Variants in NPSR1 observed in about 807,000 individuals in gnomAD.
NPSR1 encodes neuropeptide S receptor.
Under a neutral mutation model 46.9 loss-of-function variants are expected in NPSR1, and 48 were observed. That is an observed-to-expected ratio of 1.02 (90% CI 0.81 to 1.30). The LOEUF is 1.30. NPSR1 is among the 50% of genes most tolerant of loss of function. NPSR1 has a pLI of 0.00. For missense variants in NPSR1, 450 were observed against 449.5 expected, an observed-to-expected ratio of 1.00 and a Z score of -0.01; for synonymous variants, 176 against 168.1, an observed-to-expected ratio of 1.05 and a Z score of -0.36.
intron 3 of NPSR1, among the ~76,000 whole-genome samples, chr7:34,806,159 C>A (rs772853050): frequency 1.3e-5 from 2 of 151,998 alleles, no homozygotes; most frequent in Non-Finnish European, 2.9e-5. Flanking sequence ...TACCATACAA[C>A]CCAGCAATTG....
At chr7:34,807,966 G>A (rs1023203951) in intron 3 of NPSR1, among the ~76,000 whole-genome samples, 49 of 151,994 alleles carry the variant, frequency 3.2e-4, no homozygotes, top group African/African-American at 1.1e-3. Context: ...ATAAGAAAAG[G>A]GAACTTCACA....
downstream of NPSR1, among the ~76,000 whole-genome samples, chr7:34,850,776 A>G (rs1385722227): frequency 6.6e-6 from 1 of 152,104 alleles, no homozygotes; most frequent in Non-Finnish European, 1.5e-5. Context: ...CTCACACCTC[A>G]AGGACAAGTC....
intron 8 of NPSR1, among the ~76,000 whole-genome samples, chr7:34,868,902 C>T (rs1791386204): frequency 6.6e-6 from 1 of 151,568 alleles, no homozygotes; most frequent in African/African-American, 2.4e-5. Context: ...TCAGGGTGGC[C>T]CGGGGCAACA....
intron 4 of NPSR1, among the ~76,000 whole-genome samples, chr7:34,814,537 A>C (rs1045030740): frequency 3.3e-5 from 5 of 152,226 alleles, no homozygotes; most frequent in Non-Finnish European, 5.9e-5. Context: ...TGAAGAGCAC[A>C]GTGGTTCTTC....
At chr7:34,873,427 T>C (rs1423141646) in intron 8 of NPSR1, among the ~76,000 whole-genome samples, 1 of 151,688 alleles carries the variant, frequency 6.6e-6, no homozygotes, top group Non-Finnish European at 1.5e-5. Flanking sequence ...GGCTAATTTA[T>C]AGAGAAAAAA....
intron 2 of NPSR1, among the ~76,000 whole-genome samples, chr7:34,690,834 T>A (rs1793213078): frequency 6.6e-6 from 1 of 152,056 alleles, no homozygotes; most frequent in Non-Finnish European, 1.5e-5. Context: ...GCTTCTTTGG[T>A]TTTGGGAGAG....
chr7:34,827,337 A>T (rs780834548), intron 4 of NPSR1, 64 bp from the exon 5 acceptor site: 1 of 1,396,156 alleles, frequency 7.2e-7, no homozygotes, highest in Non-Finnish European at 1.0e-6. Context: ...TCTATAGCAG[A>T]CTCCATTGTG....
chr7:34,667,449 T>A (rs1298689354), intron 1 of NPSR1, among the ~76,000 whole-genome samples: 3 of 152,146 alleles, frequency 2.0e-5, no homozygotes, highest in Non-Finnish European at 4.4e-5. Context: ...CTCTTCCCCA[T>A]CAAAGGCCAG....
At chr7:34,668,107 A>C (rs1000514032) in intron 1 of NPSR1, among the ~76,000 whole-genome samples, 1 of 152,148 alleles carries the variant, frequency 6.6e-6, no homozygotes, top group Non-Finnish European at 1.5e-5. Flanking sequence ...GGCTACAGCC[A>C]CGATTCACCC....
chr7:34,740,508 C>T (rs1007344411), intron 2 of NPSR1, among the ~76,000 whole-genome samples: 3 of 152,064 alleles, frequency 2.0e-5, no homozygotes, highest in Non-Finnish European at 2.9e-5. Context: ...TGGCAGCACT[C>T]CCCAAGGACC....
rs1386692765 is a variant in NPSR1, at chr7:34,866,743, C to T, written c.1026-11333C>T. 5.3e-5 allele frequency among the ~76,000 whole-genome samples: 8 copies of T among 151,506 alleles called. 1 individual carries two copies. The highest frequency in any genetic ancestry group is 2.0e-4 in the African/African-American group (8 of 40,880). On this transcript the variant is annotated intron_variant, in intron 8 of 8. Coordinates refer to the NPSR1 transcript ENST00000359791. ...TAGATAGTTTTGCAAGATTTGCACT[C>T]TAGGGAAAAGGAGAGTAAGCTAGGT...
chr7:34,676,138 T>A (rs78803502), intron 1 of NPSR1, among the ~76,000 whole-genome samples: 1 of 152,122 alleles, frequency 6.6e-6, no homozygotes. Context: ...AGTGAGTTAG[T>A]TATCACCCCT....
In NPSR1 at chr7:34,778,496, TATTAA is replaced by T. The variant is rs746988416; in HGVS notation, c.316_320del (p.Ile106LeufsTer11). On this transcript the variant is annotated frameshift_variant, in exon 3 of 9. Coordinates refer to ENST00000360581, the MANE Select transcript of NPSR1 (RefSeq NM_207172.2). LOFTEE classifies it high-confidence loss of function. ...CAGGACTGGTCAACATCTTGACAGA[TATTAA>T]TTGGCGATTCACTGGAGACTTCACG... 6.2e-7 allele frequency: 1 copy of T among 1,612,234 alleles called. No individual in the cohort carries two copies. Among genetic ancestry groups the T allele is most frequent in the Admixed American group, 1.7e-5 (1 of 59,876 alleles).
chr7:34,741,547 G>A (rs1784941043), intron 2 of NPSR1, among the ~76,000 whole-genome samples: 1 of 152,074 alleles, frequency 6.6e-6, no homozygotes, highest in African/African-American at 2.4e-5. Context: ...TAGCAAATGT[G>A]GTTCAGGAAG....
intron 2 of NPSR1, chr7:34,751,862 T>A (rs1349879218): frequency 5.7e-6 from 9 of 1,577,954 alleles, no homozygotes; most frequent in Non-Finnish European, 7.0e-6. Context: ...TTGAATGGGA[T>A]CCAGAGTGGG....
At chr7:34,786,052 A>T (rs893905316) in intron 3 of NPSR1, among the ~76,000 whole-genome samples, 3 of 152,162 alleles carry the variant, frequency 2.0e-5, no homozygotes, top group African/African-American at 4.8e-5. Flanking sequence ...AGTTTGTTGC[A>T]TCAATTGACT....
At chr7:34,847,520 A>T (rs1790779147) in intron 7 of NPSR1, among the ~76,000 whole-genome samples, 1 of 152,170 alleles carries the variant, frequency 6.6e-6, no homozygotes, top group Non-Finnish European at 1.5e-5. Context: ...TGTAGGTTCT[A>T]GTCCAAGTCT....
chr7:34,668,636 TC>T (rs1186739414), intron 1 of NPSR1, among the ~76,000 whole-genome samples: 1 of 152,234 alleles, frequency 6.6e-6, no homozygotes, highest in Non-Finnish European at 1.5e-5. Flanking sequence ...CCTACTCATG[TC>T]CCATGTCCAT....
chr7:34,768,028 A>T (rs1392199482), intron 2 of NPSR1, among the ~76,000 whole-genome samples: 1 of 152,164 alleles, frequency 6.6e-6, no homozygotes, highest in Non-Finnish European at 1.5e-5. Context: ...TCACAAAAAA[A>T]TGATAAATGC....
Sources: gnomAD v4.1 joint callset for allele counts (sites outside exome capture counted in the v4.1 genomes callset) on GRCh38, gnomAD v4.1.1 for gene constraint, MANE v1.5 for transcripts, NCBI Gene and HGNC (gene_info 2026-07-23, HGNC 2026-07-21) for gene names.